ANXA8: variants seen among roughly 807,000 people sequenced by gnomAD.
ANXA8 encodes annexin A8, also known as VAC-beta.
In ANXA8, 9 loss-of-function variants were observed where a neutral mutation model predicts 26.8. The ratio of observed to expected loss-of-function variants is 0.34; its 90% CI spans 0.20 to 0.59. The LOEUF (loss-of-function observed/expected upper bound fraction) is 0.59, where lower values mean the gene tolerates loss of function less well. Ranked by LOEUF, ANXA8 falls within the 20% of genes least tolerant of loss-of-function variation. The probability of loss-of-function intolerance (pLI) is 0.84; values close to 1 mark genes in which losing one functional copy is unlikely to be tolerated. For missense variants in ANXA8, 83 were observed against 238.5 expected, an observed-to-expected ratio of 0.35 and a Z score of 4.29; for synonymous variants, 39 against 94.8, an observed-to-expected ratio of 0.41 and a Z score of 3.42.
At chr10:47,660,383 TTTTCTTTCTTTC>T in the ANXA8 span, among the ~76,000 whole-genome samples, 1 of 151,186 alleles carries the variant, frequency 6.6e-6, no homozygotes, top group Admixed American at 6.6e-5. Context: ...AAAAGTGGTA[TTTTCTTTCTTTC>T]TTTCTTTCTT....
the ANXA8 span, among the ~76,000 whole-genome samples, chr10:47,567,215 C>A: frequency 1.7e-5 from 2 of 118,228 alleles, no homozygotes; most frequent in East Asian, 4.3e-4. Context: ...GTTGACCCGA[C>A]CTGCATGGGG....
the ANXA8 span, among the ~76,000 whole-genome samples, chr10:47,891,325 TCAATTTCCTATTA>T: frequency 8.5e-6 from 1 of 118,076 alleles, no homozygotes; most frequent in African/African-American, 2.9e-5. Flanking sequence ...TCCTTTTCAT[TCAATTTCCTATTA>T]TTTGAAAAAA....
At chr10:47,914,909 CAGTT>C in the ANXA8 span, among the ~76,000 whole-genome samples, 5 of 152,202 alleles carry the variant, frequency 3.3e-5, no homozygotes. Flanking sequence ...CTTTTGGGGT[CAGTT>C]ATTTTGTTTA....
chr10:47,591,830 C>CATCA, the ANXA8 span, among the ~76,000 whole-genome samples: 1 of 88,014 alleles, frequency 1.1e-5, no homozygotes, highest in Non-Finnish European at 2.1e-5. Flanking sequence ...TGTCAGAGTA[C>CATCA]ATATCAGTGT....
chr10:47,684,761 T>C, the ANXA8 span, among the ~76,000 whole-genome samples: 363 of 151,236 alleles, frequency 2.4e-3, no homozygotes, highest in African/African-American at 8.3e-3. Flanking sequence ...AATTTTTGTA[T>C]TTTTAGTAGA....
the ANXA8 span, among the ~76,000 whole-genome samples, chr10:47,576,852 A>C: frequency 6.7e-6 from 1 of 148,244 alleles, no homozygotes; most frequent in Non-Finnish European, 1.5e-5. Flanking sequence ...GTGACCAAAA[A>C]TATCCCACAT....
the ANXA8 span, among the ~76,000 whole-genome samples, chr10:47,954,126 A>G: frequency 1.3e-5 from 2 of 150,948 alleles, no homozygotes; most frequent in Admixed American, 6.6e-5. Flanking sequence ...AATAGCCAAG[A>G]TTTGAAATCA....
At chr10:47,639,314 A>ATTT in the ANXA8 span, among the ~76,000 whole-genome samples, 33 of 75,378 alleles carry the variant, frequency 4.4e-4, no homozygotes, top group African/African-American at 7.4e-4. Context: ...TATTATTATT[A>ATTT]TTTTTTTTTT....
At chr10:47,701,173 A>G in the ANXA8 span, among the ~76,000 whole-genome samples, 2 of 150,078 alleles carry the variant, frequency 1.3e-5, no homozygotes, top group Non-Finnish European at 3.0e-5. Flanking sequence ...TGGAGATACC[A>G]TTTCTCACCT....
the ANXA8 span, among the ~76,000 whole-genome samples, chr10:47,772,288 C>T: frequency 2.0e-5 from 3 of 151,974 alleles, no homozygotes; most frequent in African/African-American, 7.3e-5. Context: ...CTGCCACCTT[C>T]AAGTTTCGAG....
At chr10:47,761,079 C>G in the ANXA8 span, 16 of 623,368 alleles carry the variant, frequency 2.6e-5, 1 homozygote, top group Non-Finnish European at 2.2e-5. Context: ...TGGGCCCATA[C>G]CAGGCAACAC....
the ANXA8 span, chr10:47,581,709 C>G: frequency 3.7e-6 from 1 of 269,540 alleles, no homozygotes; most frequent in South Asian, 3.7e-5. Context: ...TGGGTTCATG[C>G]CATTCTCCTG....
the ANXA8 span, among the ~76,000 whole-genome samples, chr10:47,677,289 C>G: frequency 6.6e-6 from 1 of 152,076 alleles, no homozygotes; most frequent in African/African-American, 2.4e-5. Context: ...TATGTAATCT[C>G]TAGAACAAGC....
chr10:47,646,144 C>T, the ANXA8 span, among the ~76,000 whole-genome samples: 1 of 148,304 alleles, frequency 6.7e-6, no homozygotes, highest in South Asian at 2.1e-4. Context: ...CTATCTCTAT[C>T]TCTACCTCTA....
the ANXA8 span, among the ~76,000 whole-genome samples, chr10:47,497,214 G>A: frequency 7.1e-6 from 1 of 141,148 alleles, no homozygotes; most frequent in South Asian, 2.3e-4. Context: ...CAGCTACTCA[G>A]GAGGCTGAGG....
the ANXA8 span, among the ~76,000 whole-genome samples, chr10:47,698,157 G>A: frequency 1.3e-5 from 2 of 150,534 alleles, no homozygotes; most frequent in Non-Finnish European, 3.0e-5. Flanking sequence ...GACTGAGAGG[G>A]AACTGGTTTG....
the ANXA8 span, among the ~76,000 whole-genome samples, chr10:47,979,453 C>T: frequency 6.6e-6 from 1 of 151,358 alleles, no homozygotes; most frequent in Admixed American, 6.6e-5. Context: ...TGCCCTAATC[C>T]CTGGAACCAC....
the ANXA8 span, among the ~76,000 whole-genome samples, chr10:47,674,941 T>C: frequency 6.6e-6 from 1 of 151,252 alleles, no homozygotes; most frequent in African/African-American, 2.5e-5. Context: ...GATGCTCTAG[T>C]ATATTTAGAG....
the ANXA8 span, among the ~76,000 whole-genome samples, chr10:47,685,073 G>A: frequency 1.9e-4 from 29 of 150,152 alleles, no homozygotes; most frequent in Non-Finnish European, 3.5e-4. Context: ...GCCACCCAGC[G>A]CGGTGGCTCA....
Sources: allele counts gnomAD v4.1 joint callset (sites outside exome capture counted in the v4.1 genomes callset), GRCh38; gene constraint gnomAD v4.1.1; transcripts MANE v1.5; gene names NCBI Gene and HGNC (gene_info 2026-07-23, HGNC 2026-07-21).